ARMH4: variants seen among roughly 807,000 people sequenced by gnomAD.
ARMH4 encodes the protein armadillo like helical domain containing 4, also known as armadillo-like helical domain-containing protein 4.
A neutral mutation model predicts 61.9 loss-of-function variants in ARMH4; 49 were observed. The ratio of observed to expected loss-of-function variants is 0.79; its 90% CI spans 0.63 to 1.00. The LOEUF is 1.00. Among genes scored for constraint, ARMH4 ranks in the 50% least tolerant of loss-of-function variants. The pLI, the probability that ARMH4 is intolerant of heterozygous loss-of-function variation, is 0.00. For missense variants in ARMH4, 934 were observed against 930.0 expected (o/e 1.00, Z -0.06); for synonymous variants, 368 against 341.5 (o/e 1.08, Z -0.85).
At chr14:58,123,992 C>G (rs1268972772) in intron 4 of ARMH4, among the ~76,000 whole-genome samples, 1 of 149,506 alleles carries the variant, frequency 6.7e-6, no homozygotes, top group African/African-American at 2.5e-5. Context: ...TAAAATTATC[C>G]AAAGGTACCA....
rs765207548 is a variant in ARMH4, at chr14:58,096,926, TTCC to T, written c.1884_1886del (p.Glu629del). Reference sequence around the variant, plus strand: ...TATCTTCCTCATCTTCTTCCTCATCTTCCTCTTCTTCATCTTCATCTTCTTCAT... The same window carrying T: ...TATCTTCCTCATCTTCTTCCTCATCTTCTTCTTCATCTTCATCTTCTTCAT... On this transcript the variant is annotated inframe_deletion, in exon 5 of 8. Coordinates refer to ENST00000267485, the MANE Select transcript of ARMH4 (RefSeq NM_001001872.4). 1.2e-6 allele frequency: 2 copies of T among 1,614,002 alleles called. No individual in the cohort carries two copies. Among genetic ancestry groups the T allele is most frequent in the Admixed American group, 3.3e-5 (2 of 60,012 alleles).
intron 5 of ARMH4, among the ~76,000 whole-genome samples, chr14:58,055,378 G>T (rs879376219): frequency 7.2e-5 from 11 of 152,152 alleles, no homozygotes; most frequent in Non-Finnish European, 4.4e-5. Context: ...TAGTTTCAAA[G>T]GCTTATGGAG....
chr14:58,040,494 T>C (rs1248943021), intron 5 of ARMH4, among the ~76,000 whole-genome samples: 1 of 152,230 alleles, frequency 6.6e-6, no homozygotes, highest in Non-Finnish European at 1.5e-5. Flanking sequence ...GGACATTATC[T>C]TGTTCTTCTT....
chr14:58,005,731 G>A (rs1882145613), intron 6 of ARMH4, among the ~76,000 whole-genome samples: 1 of 152,068 alleles, frequency 6.6e-6, no homozygotes, highest in Admixed American at 6.6e-5. Context: ...TAAAAGGGGA[G>A]GGCTTCTGAA....
rs761555137 is a variant in ARMH4, at chr14:58,032,400, C to A, written c.2090-20250G>T. ...TTCCTGAATACTATCTACAGGAGGG[C>A]TTCCTAATCATTTTTGTGCTATGGA... On this transcript the variant is annotated intron_variant, in intron 5 of 7. Transcript: ENST00000267485. Among the ~76,000 whole-genome samples, 9 of 152,292 alleles carry A rather than the reference C, an allele frequency of 5.9e-5. No individual in the cohort carries two copies. The South Asian group carries it at 1.9e-3, about 32-fold the overall frequency.
chr14:58,077,329 C>T (rs373487765), intron 5 of ARMH4, among the ~76,000 whole-genome samples: 5 of 152,142 alleles, frequency 3.3e-5, no homozygotes, highest in Non-Finnish European at 5.9e-5. Context: ...GTAGACTGTG[C>T]GTGGTGGTTC....
intron 5 of ARMH4, among the ~76,000 whole-genome samples, chr14:58,075,270 A>T (rs1776207073): frequency 6.6e-6 from 1 of 152,220 alleles, no homozygotes; most frequent in Admixed American, 6.5e-5. Flanking sequence ...TACCCAAAGG[A>T]TTATAAATCA....
rs895268157 is a variant in ARMH4, at chr14:58,091,257, C to T, written c.2089+5467G>A. Among the ~76,000 whole-genome samples the T allele has an allele frequency of 5.3e-5, 8 of 152,234 alleles. No individual in the cohort carries two copies. In the South Asian group the frequency reaches 1.7e-3, roughly 32 times the overall value. On this transcript the variant is annotated intron_variant, in intron 5 of 7. Transcript: ENST00000267485. ...AGAAGCACAGTGAAAAGACAGTTGC[C>T]TTCCTTCTCTGAACAATGTCTTTTC...
chr14:58,084,772 T>C lies in ARMH4; in HGVS notation c.2089+11952A>G, dbSNP rs139600720. Among the ~76,000 whole-genome samples the C allele has an allele frequency of 1.3e-3, 204 of 152,342 alleles. 5 individuals carry two copies. The East Asian group carries it at 0.027, about 20-fold the overall frequency. On this transcript the variant is annotated intron_variant, in intron 5 of 7. Coordinates refer to ENST00000267485, the MANE Select transcript of ARMH4 (RefSeq NM_001001872.4). ...CTTTAATCTGTTTGTAAAGTTTATTTTGAAAGTTCTTCACATGAATTGAAC... is the reference window on the plus strand; with the variant it reads ...CTTTAATCTGTTTGTAAAGTTTATTCTGAAAGTTCTTCACATGAATTGAAC...
Position 58,038,990 on chromosome 14 carries a change from C to T in ARMH4, c.2090-26840G>A, listed in dbSNP as rs374927240. ...TGCATAGGTAACTGACAGTCCCAGG[C>T]ACCCACCACCACCCCTGGAGCCACT... On this transcript the variant is annotated intron_variant, in intron 5 of 7. Transcript: ENST00000267485. 6.6e-5 allele frequency among the ~76,000 whole-genome samples: 10 copies of T among 152,158 alleles called. No homozygotes were observed. The East Asian group carries it at 1.9e-3, about 29-fold the overall frequency.
chr14:58,020,009 G>T (rs895873630), intron 5 of ARMH4, among the ~76,000 whole-genome samples: 3 of 152,034 alleles, frequency 2.0e-5, no homozygotes, highest in Admixed American at 2.0e-4. Context: ...GGTAGGGATG[G>T]GAGCCAGAAG....
chr14:58,071,685 TAATC>T (rs1264029697), intron 5 of ARMH4, among the ~76,000 whole-genome samples: 3 of 152,204 alleles, frequency 2.0e-5, no homozygotes, highest in African/African-American at 7.2e-5. Flanking sequence ...GCTAATAAAA[TAATC>T]AAGAGTATTT....
chr14:58,079,927 T>C (rs1463734863), intron 5 of ARMH4, among the ~76,000 whole-genome samples: 1 of 152,026 alleles, frequency 6.6e-6, no homozygotes, highest in African/African-American at 2.4e-5. Flanking sequence ...ATAGTAACTA[T>C]AGAAATGATC....
intron 5 of ARMH4, among the ~76,000 whole-genome samples, chr14:58,069,736 T>C (rs1884823208): frequency 6.6e-6 from 1 of 152,218 alleles, no homozygotes; most frequent in South Asian, 2.1e-4. Context: ...AAATTCATTT[T>C]ATCCTATAGG....
intron 4 of ARMH4, among the ~76,000 whole-genome samples, chr14:58,100,262 G>A (rs997091323): frequency 1.3e-5 from 2 of 152,202 alleles, no homozygotes; most frequent in African/African-American, 4.8e-5. Flanking sequence ...GTCTTGGAGA[G>A]TAGGCGAGTA....
intron 5 of ARMH4, among the ~76,000 whole-genome samples, chr14:58,094,829 T>G (rs1885694804): frequency 6.6e-6 from 1 of 152,094 alleles, no homozygotes; most frequent in South Asian, 2.1e-4. Context: ...TCACTGGTGG[T>G]GGGATGATGG....
At chr14:58,103,252 T>C (rs530891787) in intron 4 of ARMH4, among the ~76,000 whole-genome samples, 2 of 152,000 alleles carry the variant, frequency 1.3e-5, no homozygotes, top group South Asian at 4.2e-4. Flanking sequence ...AGCTGAAGAA[T>C]ACTTGAGCCA....
At chr14:58,084,422 G>A (rs918362719) in intron 5 of ARMH4, among the ~76,000 whole-genome samples, 4 of 152,114 alleles carry the variant, frequency 2.6e-5, no homozygotes, top group Non-Finnish European at 4.4e-5. Flanking sequence ...GAAGCCCAAG[G>A]CTCTGGTCCT....
At chr14:58,142,185 C>T (rs189193235) in intron 1 of ARMH4, among the ~76,000 whole-genome samples, 1 of 152,274 alleles carries the variant, frequency 6.6e-6, no homozygotes, top group African/African-American at 2.4e-5. Flanking sequence ...ATAAAAACCT[C>T]AACTTCATAC....
Sources: gnomAD v4.1 joint callset for allele counts (sites outside exome capture counted in the v4.1 genomes callset) on GRCh38, gnomAD v4.1.1 for gene constraint, MANE v1.5 for transcripts, NCBI Gene and HGNC (gene_info 2026-07-23, HGNC 2026-07-21) for gene names.